Variants in PCBP2 observed in about 807,000 individuals in gnomAD.
PCBP2 encodes poly(rC)-binding protein 2.
PCBP2 carries 4 observed loss-of-function variants against 50.1 expected under a neutral mutation model. The observed-to-expected ratio is 0.08, with a 90% confidence interval of 0.04 to 0.18. The LOEUF (loss-of-function observed/expected upper bound fraction) is 0.18, where lower values mean the gene tolerates loss of function less well. PCBP2 is among the 10% of genes least tolerant of loss of function. The pLI is 1.00. For missense variants in PCBP2, 161 were observed against 474.3 expected, an observed-to-expected ratio of 0.34 and a Z score of 6.14; for synonymous variants, 179 against 168.0, an observed-to-expected ratio of 1.07 and a Z score of -0.51.
At chr12:53,455,532 T>TA (rs760396305) in intron 4 of PCBP2, 39 bp downstream of exon 4, 25 of 1,597,504 alleles carry the variant, frequency 1.6e-5, no homozygotes, top group Middle Eastern at 1.7e-4. Flanking sequence ...CTTTGGGAAG[T>TA]AAAAAACCTT....
intron 14 of PCBP2, among the ~76,000 whole-genome samples, chr12:53,477,171 T>G (rs1035544600): frequency 6.6e-6 from 1 of 152,116 alleles, no homozygotes; most frequent in African/African-American, 2.4e-5. Context: ...TCAGAACATT[T>G]CTTTCAGAGC....
Position 53,452,229 on chromosome 12 carries a change from C to T in PCBP2, c.-223C>T, listed in dbSNP as rs1592623829. On this transcript the variant is annotated 5_prime_UTR_variant, in exon 1 of 15. Transcript: ENST00000546463. ...CCCGGGGTCTCTTTCCCCCTTCCTC[C>T]TCCTCCTCCTCCACCCCCCCTTCCT... The T allele has an allele frequency of 7.9e-6, 1 of 126,818 alleles. No individual in the cohort carries two copies. The highest frequency in any genetic ancestry group is 3.0e-5 in the African/African-American group (1 of 33,344). The allele number at this position is 126,818 out of a possible 1,614,324, so 7.9% of individuals were successfully genotyped here.
chr12:53,452,224 TCCTC>T lies in PCBP2; in HGVS notation c.-226_-223del, dbSNP rs1180580948. On this transcript the variant is annotated 5_prime_UTR_variant, in exon 1 of 15. Coordinates refer to ENST00000546463, the MANE Select transcript of PCBP2 (RefSeq NM_031989.5). ...CCCGCCCCGGGGTCTCTTTCCCCCTTCCTCCTCCTCCTCCTCCACCCCCCCTTCC... is the reference window on the plus strand; with the variant it reads ...CCCGCCCCGGGGTCTCTTTCCCCCTTCTCCTCCTCCTCCACCCCCCCTTCC... 9.6e-6 allele frequency: 1 copy of T among 103,636 alleles called. No homozygotes were observed. Among genetic ancestry groups the T allele is most frequent in the Non-Finnish European group, 2.0e-5 (1 of 50,240 alleles). The allele number at this position is 103,636 out of a possible 1,614,324, so 6.4% of individuals were successfully genotyped here.
intron 2 of PCBP2, 86 bp from the exon 3 acceptor site, chr12:53,455,261 A>C: frequency 7.8e-7 from 1 of 1,281,468 alleles, no homozygotes; most frequent in Non-Finnish European, 1.1e-6. Flanking sequence ...TCATTAGAAC[A>C]TGTAGAAAAA....
intron 12 of PCBP2, 85 bp downstream of exon 12, chr12:53,467,928 C>G (rs555641663): frequency 7.9e-5 from 82 of 1,038,296 alleles, no homozygotes; most frequent in Non-Finnish European, 1.2e-4. Context: ...GCCCATGAAC[C>G]ATACCAGCAA....
rs777885083 is a variant in PCBP2 at position 53,467,206 on chromosome 12, G to A, written c.715-15G>A. The A allele has an allele frequency of 1.2e-6, 2 of 1,608,868 alleles. No individual in the cohort carries two copies. Among genetic ancestry groups the A allele is most frequent in the Non-Finnish European group, 1.7e-6 (2 of 1,176,000 alleles). On this transcript the variant is annotated splice_polypyrimidine_tract_variant and intron_variant, in intron 10 of 14. Transcript: ENST00000546463. ...TTAAATCTTCTAATGCCAACCTCCT[G>A]TTTCCTCCTTGCAGTTGACCAAGCT... is the stretch of plus-strand genomic sequence containing the variant.
chr12:53,458,407 G>A (rs1373344292), intron 5 of PCBP2, among the ~76,000 whole-genome samples: 1 of 151,520 alleles, frequency 6.6e-6, no homozygotes, highest in Non-Finnish European at 1.5e-5. Context: ...CCGGATTCAA[G>A]CGATTCTCCT....
Position 53,479,605 on chromosome 12 carries a change from T to C in PCBP2, c.*163T>C. 1 of 551,454 alleles carries C rather than the reference T, an allele frequency of 1.8e-6. No individual in the cohort carries two copies. Among genetic ancestry groups the C allele is most frequent in the Non-Finnish European group, 3.3e-6 (1 of 301,680 alleles). 34.2% of individuals were successfully genotyped at this position (551,454 alleles called of 1,614,324 possible). The stretch of plus-strand genomic sequence containing the variant: ...CTCGTGATTTTTTAATTAAAGCGTT[T>C]TAATTCCTTTCTCTGTTCAGCTGTT... On this transcript the variant is annotated 3_prime_UTR_variant, in exon 15 of 15. Transcript: ENST00000546463.
intron 9 of PCBP2, among the ~76,000 whole-genome samples, chr12:53,465,455 A>G (rs1476786343): frequency 6.6e-6 from 1 of 152,178 alleles, no homozygotes; most frequent in Non-Finnish European, 1.5e-5. Flanking sequence ...TTAGGCAGAT[A>G]GAGAAATAAG....
chr12:53,468,756 T>C, intron 12 of PCBP2, 21 bp from the exon 13 acceptor site: 1 of 1,601,610 alleles, frequency 6.2e-7, no homozygotes, highest in Middle Eastern at 1.7e-4. Context: ...TTGAATTTGC[T>C]TGCTCTCTTC....
rs551652306 is a variant in PCBP2 at position 53,462,794 on chromosome 12, G to T, written c.579+227G>T. Among the ~76,000 whole-genome samples the T allele has an allele frequency of 1.8e-4, 27 of 152,248 alleles. No individual in the cohort carries two copies. In the East Asian group the frequency reaches 5.2e-3, roughly 29 times the overall value. On this transcript the variant is annotated intron_variant, in intron 8 of 14. Coordinates refer to ENST00000546463, the MANE Select transcript of PCBP2 (RefSeq NM_031989.5). ...CTCGGAAGAGGTAACTTACTTGTGG[G>T]TTGGGTTAGAATATAAGAGTTGAAT...
At position 53,464,802 on chromosome 12, in the gene PCBP2, A is replaced by T; in HGVS notation, c.622A>T (p.Thr208Ser). ...CAGCGACAGTGCGAGCTTTCCCCAC[A>T]CCACCCCGTCCATGTGCCTCAACCC... ...TGSDSASFPH[T>S]TPSMCLNPDL... is the part of the protein sequence containing the mutation. Residue 208 changes from threonine to serine, a missense_variant, in exon 9 of 15, where the codon ACC becomes TCC. Thr to Ser is a moderately conservative substitution (Grantham distance 58, BLOSUM62 1). This residue lies in a region of PCBP2 where 35 missense variants were observed against 45.5 expected (regional missense o/e 0.77). Coordinates refer to ENST00000546463, the MANE Select transcript of PCBP2 (RefSeq NM_031989.5). 1 of 1,611,604 alleles carries T rather than the reference A, an allele frequency of 6.2e-7. No homozygotes were observed. The highest frequency in any genetic ancestry group is 8.5e-7 in the Non-Finnish European group (1 of 1,178,994).
Position 53,457,703 on chromosome 12 carries a change from C to T in PCBP2, c.244-1569C>T, listed in dbSNP as rs560118596. On this transcript the variant is annotated intron_variant, in intron 5 of 14. Coordinates refer to ENST00000546463, the MANE Select transcript of PCBP2 (RefSeq NM_031989.5). Reference sequence around the variant, plus strand: ...AAGCTAGAGTACAAACTGTTTATTCCTTAACCAAGGAATAAACATGTCCTT... The same window carrying T: ...AAGCTAGAGTACAAACTGTTTATTCTTTAACCAAGGAATAAACATGTCCTT... Among the ~76,000 whole-genome samples the T allele has an allele frequency of 3.3e-5, 5 of 151,924 alleles. No homozygotes were observed. In the East Asian group the frequency reaches 7.7e-4, roughly 24 times the overall value.
chr12:53,453,020 G>T (rs1001319787), intron 1 of PCBP2: 4 of 152,042 alleles, frequency 2.6e-5, no homozygotes, highest in Non-Finnish European at 5.9e-5. Flanking sequence ...TGTAATCCCA[G>T]ACCGAGCTAT....
chr12:53,468,544 G>C (rs1941977406), intron 12 of PCBP2: 1 of 536,376 alleles, frequency 1.9e-6, no homozygotes, highest in African/African-American at 1.9e-5. Flanking sequence ...GCTGGGCTTT[G>C]CAGGAAATGG....
intron 8 of PCBP2, chr12:53,464,508 A>C: frequency 2.2e-6 from 1 of 446,066 alleles, no homozygotes; most frequent in Non-Finnish European, 4.0e-6. Flanking sequence ...CACACTGACC[A>C]GGAGCTGGCA....
At chr12:53,469,946 A>G (rs1158059154) in intron 13 of PCBP2, among the ~76,000 whole-genome samples, 2 of 151,732 alleles carry the variant, frequency 1.3e-5, no homozygotes, top group South Asian at 2.1e-4. Flanking sequence ...GGGTTTCTCC[A>G]TGTTGGTCAG....
chr12:53,463,046 T>C (rs1171037755), intron 8 of PCBP2, among the ~76,000 whole-genome samples: 1 of 152,066 alleles, frequency 6.6e-6, no homozygotes, highest in Non-Finnish European at 1.5e-5. Flanking sequence ...CAAACTCCAG[T>C]GTGTTGTCCC....
At chr12:53,452,572 G>T (rs917118492) in intron 1 of PCBP2, among the ~76,000 whole-genome samples, 196 bp downstream of exon 1, 6 of 151,186 alleles carry the variant, frequency 4.0e-5, no homozygotes, top group Admixed American at 2.6e-4. Context: ...CCTCGCGCAA[G>T]GCCTATTCCC....
Sources: gnomAD v4.1 joint callset for allele counts (sites outside exome capture counted in the v4.1 genomes callset) on GRCh38, gnomAD v4.1.1 for gene constraint, gnomAD v4.1.1 regional missense constraint, MANE v1.5 for transcripts, NCBI Gene and HGNC (gene_info 2026-07-23, HGNC 2026-07-21) for gene names.